Variants in FRS3 observed in about 807,000 individuals in gnomAD.
The protein encoded by FRS3 is FGFR substrate 3.
FRS3 carries 17 observed loss-of-function variants against 41.9 expected under a neutral mutation model. The observed-to-expected ratio is 0.41, with a 90% CI of 0.28 to 0.61. The LOEUF is 0.61. Ranked by LOEUF, FRS3 falls within the 20% of genes least tolerant of loss-of-function variation. The probability of loss-of-function intolerance (pLI) is 0.36; values close to 1 mark genes in which losing one functional copy is unlikely to be tolerated. For missense variants in FRS3, 619 were observed against 672.1 expected (o/e 0.92, Z 0.87); for synonymous variants, 287 against 274.5 (o/e 1.05, Z -0.45).
chr6:41,775,955 G>T (rs111924275), intron 3 of FRS3, among the ~76,000 whole-genome samples: 1,997 of 152,302 alleles, frequency 0.013, 44 homozygotes, highest in African/African-American at 0.044. Flanking sequence ...TGGGGAAGGG[G>T]TTCAATTGTA....
Position 41,776,943 on chromosome 6 carries a change from G to C in FRS3, c.45C>G (p.Asp15Glu). 1 of 1,614,138 alleles carries C rather than the reference G, an allele frequency of 6.2e-7. No homozygotes were observed. Among genetic ancestry groups the C allele is most frequent in the East Asian group, 2.2e-5 (1 of 44,880 alleles). ...GTACCTTGAACTTGGTGGGGTGGTT[G>C]TCTGGAACGCTGTCTCTGTTCAGGC... ...CSCLNRDSVP[D>E]NHPTKFKVTN... The change falls in exon 3 of 7, where the codon GAC becomes GAG. Residue 15 changes from aspartate to glutamate, a missense_variant. Coordinates refer to ENST00000373018, the MANE Select transcript of FRS3 (RefSeq NM_006653.5).
chr6:41,770,675 G>C lies in FRS3; in HGVS notation c.1423C>G (p.Arg475Gly). 6.2e-7 allele frequency: 1 copy of C among 1,614,104 alleles called. No homozygotes were observed. Among genetic ancestry groups the C allele is most frequent in the Non-Finnish European group, 8.5e-7 (1 of 1,180,034 alleles). The change falls in exon 7 of 7, where the codon CGA becomes GGA. Residue 475 changes from arginine (R) to glycine (G), a missense_variant. Physicochemically the swap from Arg to Gly is moderately radical, Grantham distance 125 (BLOSUM62 -2). Around this residue, in one of 3 missense-constraint regions of FRS3, gnomAD observed 32 missense variants for 55.6 expected, o/e 0.58. Coordinates refer to ENST00000373018, the MANE Select transcript of FRS3 (RefSeq NM_006653.5). ...GTTTTCCTGGCGGTGCCATCGTCTC[G>C]GGGCAGAGCTCTCTGCAGGTTGGAC... ...AMSNLQRALP[R>G]DDGTARKTRH...
intron 5 of FRS3, 105 bp downstream of exon 5, chr6:41,772,693 C>T: frequency 7.5e-7 from 1 of 1,326,944 alleles, no homozygotes; most frequent in African/African-American, 1.4e-5. Context: ...GCTCACCCAG[C>T]CTTCTCCCAA....
rs1264438980 is a variant in FRS3 at position 41,770,312 on chromosome 6, C to G, written c.*307G>C. 1 of 368,636 alleles carries G rather than the reference C, an allele frequency of 2.7e-6. No homozygotes were observed. The highest frequency in any genetic ancestry group is 4.9e-6 in the Non-Finnish European group (1 of 204,442). 22.8% of individuals were successfully genotyped at this position (368,636 alleles called of 1,614,324 possible). ...TCCAACCAAAAAAAACACACACGGA[C>G]AGTCGGCAGACAAGACAAATGGACA... On this transcript the variant is annotated 3_prime_UTR_variant, in exon 7 of 7. Transcript: ENST00000373018.
chr6:41,778,644 T>TA (rs1395614449), intron 1 of FRS3, among the ~76,000 whole-genome samples: 1 of 152,178 alleles, frequency 6.6e-6, no homozygotes, highest in Admixed American at 6.5e-5. Context: ...AACTCCCACC[T>TA]AAGGCCTTAG....
chr6:41,773,023 G>T, intron 4 of FRS3, 64 bp from the exon 5 acceptor site: 1 of 1,362,662 alleles, frequency 7.3e-7, no homozygotes, highest in Non-Finnish European at 1.0e-6. Context: ...CTCAACAGAT[G>T]CACAATGTGC....
intron 3 of FRS3, among the ~76,000 whole-genome samples, chr6:41,776,025 CA>C (rs1391633354): frequency 6.6e-6 from 1 of 152,190 alleles, no homozygotes; most frequent in East Asian, 1.9e-4. Context: ...AAGGCAGAAC[CA>C]ATGCACATCT....
intron 3 of FRS3, among the ~76,000 whole-genome samples, chr6:41,776,238 G>C (rs66711509): frequency 0.14 from 21,116 of 152,212 alleles, 1,510 homozygotes; most frequent in East Asian, 0.23. Flanking sequence ...TGTGCTTACT[G>C]TGTGCTAAGC....
intron 5 of FRS3, among the ~76,000 whole-genome samples, chr6:41,772,194 T>G (rs1414366375): frequency 6.6e-6 from 1 of 152,088 alleles, no homozygotes; most frequent in Non-Finnish European, 1.5e-5. Context: ...CTCACCACTG[T>G]CTCCATTATA....
intron 2 of FRS3, 50 bp from the exon 3 acceptor site, chr6:41,777,060 A>G: frequency 1.4e-6 from 2 of 1,381,144 alleles, no homozygotes; most frequent in Non-Finnish European, 2.1e-6. Flanking sequence ...GCTTCAAAAA[A>G]CCCTGCTCTG....
intron 3 of FRS3, chr6:41,776,326 A>C (rs1450025990): frequency 6.6e-6 from 1 of 152,570 alleles, no homozygotes; most frequent in Non-Finnish European, 1.5e-5. Context: ...CAGCGGTGCA[A>C]TCTCAGCCCA....
At chr6:41,773,310 G>A (rs1164474171) in intron 4 of FRS3, among the ~76,000 whole-genome samples, 1 of 151,726 alleles carries the variant, frequency 6.6e-6, no homozygotes, top group East Asian at 2.0e-4. Flanking sequence ...CACCATGTTG[G>A]TCAGGCTGGT....
At position 41,770,670 on chromosome 6, in the gene FRS3, G is replaced by C. The variant is rs772489038; in HGVS notation, c.1428C>G (p.Asp476Glu). 6.2e-7 allele frequency: 1 copy of C among 1,614,182 alleles called. No homozygotes were observed. Among genetic ancestry groups the C allele is most frequent in the South Asian group, 1.1e-5 (1 of 91,080 alleles). ...GCCGGGTTTTCCTGGCGGTGCCATC[G>C]TCTCGGGGCAGAGCTCTCTGCAGGT... ...MSNLQRALPR[D>E]DGTARKTRHN... Residue 476 changes from aspartate to glutamate, a missense_variant, in exon 7 of 7, where the codon GAC (aspartate) becomes GAG (glutamate). Physicochemically the swap from Asp to Glu is conservative, Grantham distance 45. Around this residue, in one of 3 missense-constraint regions of FRS3, gnomAD observed 32 missense variants for 55.6 expected, o/e 0.58. Transcript: ENST00000373018.
At position 41,771,841 on chromosome 6, in the gene FRS3, T is replaced by C. The variant is rs143921336; in HGVS notation, c.539A>G (p.His180Arg). The C allele has an allele frequency of 3.9e-4, 611 of 1,552,430 alleles. 9 individuals carry two copies. In the South Asian group the frequency reaches 6.0e-3, roughly 15 times the overall value. ...RHPSLGEEST[H>R]ALIAPDEQSH... is the part of the protein sequence containing the mutation. ...CTGCTCATCAGGAGCAATGAGGGCA[T>C]GGGTGGACTCTTCCCCAAGCGAGGG... Residue 180 changes from histidine to arginine, a missense_variant, in exon 6 of 7, where the codon CAT becomes CGT. By Grantham distance (29) the His-to-Arg change is conservative. Coordinates refer to ENST00000373018, the MANE Select transcript of FRS3 (RefSeq NM_006653.5).
Position 41,770,693 on chromosome 6 carries a change from G to A in FRS3, c.1405C>T (p.Leu469=). ...DLKKTVAMSN[L]QRALPRDDGT... Reference sequence around the variant, plus strand: ...TCGTCTCGGGGCAGAGCTCTCTGCAGGTTGGACATGGCCACGGTCTTTTTG... The same window carrying A: ...TCGTCTCGGGGCAGAGCTCTCTGCAAGTTGGACATGGCCACGGTCTTTTTG... The change falls in exon 7 of 7, where the codon CTG becomes TTG. Residue 469 remains leucine, a synonymous_variant. Transcript: ENST00000373018. 1 of 1,614,168 alleles carries A rather than the reference G, an allele frequency of 6.2e-7. No homozygotes were observed. The highest frequency in any genetic ancestry group is 1.3e-5 in the African/African-American group (1 of 75,060).
chr6:41,770,562 G>T lies in FRS3; in HGVS notation c.*57C>A. 1 of 1,559,692 alleles carries T rather than the reference G, an allele frequency of 6.4e-7. No homozygotes were observed. The highest frequency in any genetic ancestry group is 8.8e-7 in the Non-Finnish European group (1 of 1,130,804). On this transcript the variant is annotated 3_prime_UTR_variant, in exon 7 of 7. Coordinates refer to ENST00000373018, the MANE Select transcript of FRS3 (RefSeq NM_006653.5). ...GGGAGGGTGGGTTCAGAGGACAGGA[G>T]TGTGAGGCAGAGGCTGGATCATGGT...
intron 3 of FRS3, chr6:41,776,435 T>C (rs763450675): frequency 6.5e-6 from 1 of 153,266 alleles, no homozygotes; most frequent in Non-Finnish European, 1.5e-5. Context: ...CTAATTTTTG[T>C]ATTTTTAGTA....
At chr6:41,776,626 A>C in intron 3 of FRS3, 1 of 336,800 alleles carries the variant, frequency 3.0e-6, no homozygotes, top group Non-Finnish European at 5.4e-6. Flanking sequence ...GTTTTCTCTA[A>C]AAAAAAAAGG....
chr6:41,774,043 G>A (rs1395639229), intron 4 of FRS3, among the ~76,000 whole-genome samples: 1 of 151,846 alleles, frequency 6.6e-6, no homozygotes, highest in African/African-American at 2.4e-5. Context: ...TCCGCCTCCC[G>A]GGTTCACGCC....
Sources: gnomAD v4.1 joint callset for allele counts (sites outside exome capture counted in the v4.1 genomes callset) on GRCh38, gnomAD v4.1.1 for gene constraint, gnomAD v4.1.1 regional missense constraint, MANE v1.5 for transcripts, NCBI Gene and HGNC (gene_info 2026-07-23, HGNC 2026-07-21) for gene names.